CTNNA2: variants seen among roughly 807,000 people sequenced by gnomAD.
The protein encoded by CTNNA2 is catenin alpha 2.
In CTNNA2, 42 loss-of-function variants were observed where a neutral mutation model predicts 101.0. The observed-to-expected ratio is 0.42, with a 90% CI of 0.32 to 0.54. CTNNA2 has a LOEUF of 0.54. CTNNA2 is among the 20% of genes least tolerant of loss of function. The probability of loss-of-function intolerance (pLI) is 0.14; values close to 1 mark genes in which losing one functional copy is unlikely to be tolerated. For synonymous variants in CTNNA2, 450 were observed against 456.4 expected, an observed-to-expected ratio of 0.99 and a Z score of 0.18; for missense variants, 871 against 1,223.1, an observed-to-expected ratio of 0.71 and a Z score of 4.29.
At chr2:80,439,168 G>T (rs1317962575) in intron 9 of CTNNA2, among the ~76,000 whole-genome samples, 3 of 152,008 alleles carry the variant, frequency 2.0e-5, no homozygotes, top group Non-Finnish European at 4.4e-5. Context: ...CTACTTTCGG[G>T]TCTTTTGCCT....
chr2:80,072,656 G>T (rs545782004), intron 7 of CTNNA2, among the ~76,000 whole-genome samples: 1 of 152,108 alleles, frequency 6.6e-6, no homozygotes, highest in Admixed American at 6.5e-5. Context: ...ACCATTCAAG[G>T]TGCAGTGCTG....
At chr2:79,191,817 C>T (rs534382063) in intron 1 of CTNNA2, among the ~76,000 whole-genome samples, 1 of 152,218 alleles carries the variant, frequency 6.6e-6, no homozygotes, top group East Asian at 1.9e-4. Flanking sequence ...CATGTTATGT[C>T]ACATAGTACC....
At chr2:79,995,779 T>G (rs930589264) in intron 7 of CTNNA2, among the ~76,000 whole-genome samples, 28 of 152,294 alleles carry the variant, frequency 1.8e-4, no homozygotes, top group African/African-American at 5.8e-4. Flanking sequence ...ATCACACCAC[T>G]GCACTCCAGC....
chr2:80,483,574 G>A (rs897439593), intron 9 of CTNNA2, among the ~76,000 whole-genome samples: 7 of 151,882 alleles, frequency 4.6e-5, no homozygotes, highest in African/African-American at 1.7e-4. Flanking sequence ...CTTGGAAGAG[G>A]GGTGCAAGTA....
chr2:79,632,832 T>C (rs146151183), intron 1 of CTNNA2, among the ~76,000 whole-genome samples: 21 of 152,328 alleles, frequency 1.4e-4, no homozygotes, highest in Non-Finnish European at 2.6e-4. Context: ...GCACAATTTT[T>C]CTGTAGAGGT....
chr2:80,580,217 G>A (rs190994079), intron 13 of CTNNA2, among the ~76,000 whole-genome samples: 1 of 152,158 alleles, frequency 6.6e-6, no homozygotes, highest in Non-Finnish European at 1.5e-5. Context: ...TAGAAAAAAC[G>A]TTGACAGACA....
At chr2:79,321,745 G>T (rs10201858) in intron 3 of CTNNA2, among the ~76,000 whole-genome samples, 22,039 of 152,120 alleles carry the variant, frequency 0.14, 1,692 homozygotes, top group East Asian at 0.17. Flanking sequence ...GAGACAAGGT[G>T]CAGGTCTTTG....
intron 16 of CTNNA2, chr2:80,605,198 C>G (rs545580340): frequency 6.6e-6 from 1 of 151,990 alleles, no homozygotes; most frequent in East Asian, 2.0e-4. Flanking sequence ...TTTTATTTGG[C>G]TTGAATTGGA....
At chr2:80,052,367 A>G (rs749974377) in intron 7 of CTNNA2, among the ~76,000 whole-genome samples, 1 of 152,178 alleles carries the variant, frequency 6.6e-6, no homozygotes, top group Non-Finnish European at 1.5e-5. Flanking sequence ...CACATATACA[A>G]AAGTGTGTAT....
chr2:79,390,778 A>T (rs1198914159), intron 4 of CTNNA2, among the ~76,000 whole-genome samples: 1 of 152,188 alleles, frequency 6.6e-6, no homozygotes, highest in Non-Finnish European at 1.5e-5. Flanking sequence ...GTAAACCATC[A>T]ATAATAGTGC....
intron 7 of CTNNA2, among the ~76,000 whole-genome samples, chr2:80,044,478 G>GA (rs898394669): frequency 6.6e-6 from 1 of 152,010 alleles, no homozygotes; most frequent in African/African-American, 2.4e-5. Context: ...ATGCCATTAT[G>GA]AAAAAAATAC....
At chr2:79,817,142 C>T (rs1487774399) in intron 3 of CTNNA2, among the ~76,000 whole-genome samples, 1 of 151,834 alleles carries the variant, frequency 6.6e-6, no homozygotes, top group African/African-American at 2.4e-5. Context: ...CCCATTAACT[C>T]GTCATTTAGC....
At chr2:80,028,553 C>T (rs1695086419) in intron 7 of CTNNA2, among the ~76,000 whole-genome samples, 1 of 152,160 alleles carries the variant, frequency 6.6e-6, no homozygotes. Context: ...ATAATGGCCC[C>T]TCAAATATGC....
chr2:79,413,457 T>C (rs912166407), intron 4 of CTNNA2, among the ~76,000 whole-genome samples: 3 of 152,104 alleles, frequency 2.0e-5, no homozygotes, highest in Non-Finnish European at 2.9e-5. Context: ...CTTCATTCAG[T>C]CACTCATTGA....
chr2:80,456,940 G>A (rs949018927), intron 9 of CTNNA2, among the ~76,000 whole-genome samples: 1 of 152,160 alleles, frequency 6.6e-6, no homozygotes, highest in Admixed American at 6.5e-5. Flanking sequence ...GGTGACTATA[G>A]TTAACAATAA....
At chr2:80,228,551 T>G (rs1317475404) in intron 7 of CTNNA2, among the ~76,000 whole-genome samples, 1 of 152,156 alleles carries the variant, frequency 6.6e-6, no homozygotes, top group Non-Finnish European at 1.5e-5. Context: ...TCGTATCTCA[T>G]AAGATTATAA....
chr2:80,022,605 ATAAAGT>A (rs1473286643), intron 7 of CTNNA2, among the ~76,000 whole-genome samples: 3 of 152,152 alleles, frequency 2.0e-5, no homozygotes. Flanking sequence ...CTTTACAAAA[ATAAAGT>A]TAAAAAATAA....
chr2:79,322,253 T>C (rs1303402748), intron 3 of CTNNA2, among the ~76,000 whole-genome samples: 4 of 152,176 alleles, frequency 2.6e-5, no homozygotes, highest in Non-Finnish European at 5.9e-5. Context: ...TAGCAGTAAA[T>C]GAATAGTCTC....
intron 4 of CTNNA2, among the ~76,000 whole-genome samples, chr2:79,420,323 C>A (rs1223978625): frequency 6.6e-6 from 1 of 152,090 alleles, no homozygotes; most frequent in Admixed American, 6.6e-5. Context: ...TTGGCTAGAC[C>A]TGAGATCGGT....
Sources: gnomAD v4.1 joint callset for allele counts (sites outside exome capture counted in the v4.1 genomes callset) on GRCh38, gnomAD v4.1.1 for gene constraint, MANE v1.5 for transcripts, NCBI Gene and HGNC (gene_info 2026-07-23, HGNC 2026-07-21) for gene names.